Variants in CAMKMT observed in about 807,000 individuals in gnomAD.
CAMKMT encodes calmodulin-lysine N-methyltransferase.
Under a neutral mutation model 48.0 loss-of-function variants are expected in CAMKMT, and 53 were observed. The ratio of observed to expected loss-of-function variants is 1.10; its 90% CI spans 0.89 to 1.39. The LOEUF (loss-of-function observed/expected upper bound fraction) is 1.39. Ranked by LOEUF, CAMKMT falls within the 40% of genes most tolerant of loss-of-function variation. The probability of loss-of-function intolerance (pLI) is 0.00; values close to 1 mark genes in which losing one functional copy is unlikely to be tolerated. For synonymous variants in CAMKMT, 165 were observed against 152.3 expected (o/e 1.08, Z -0.61); for missense variants, 428 against 402.7 (o/e 1.06, Z -0.54).
At chr2:44,753,405 CAAA>C (rs201960068) in intron 8 of CAMKMT, among the ~76,000 whole-genome samples, 1 of 65,720 alleles carries the variant, frequency 1.5e-5, no homozygotes, top group Admixed American at 1.4e-4. Flanking sequence ...GTCTCAGAAA[CAAA>C]AAAAAAAAAA....
intron 3 of CAMKMT, among the ~76,000 whole-genome samples, chr2:44,613,841 T>C (rs1180751069): frequency 1.3e-5 from 2 of 152,318 alleles, no homozygotes; most frequent in African/African-American, 2.4e-5. Context: ...TTGTCACTAG[T>C]CATGTGATCC....
chr2:44,422,669 A>G, intron 3 of CAMKMT, among the ~76,000 whole-genome samples: 1 of 151,760 alleles, frequency 6.6e-6, no homozygotes, highest in East Asian at 1.9e-4. Context: ...ATCCAAATAT[A>G]TTGGTCATTA....
intron 3 of CAMKMT, among the ~76,000 whole-genome samples, chr2:44,493,462 G>A (rs1669611094): frequency 6.6e-6 from 1 of 152,118 alleles, no homozygotes; most frequent in African/African-American, 2.4e-5. Flanking sequence ...CAACCCCAGA[G>A]GATGTACTGT....
At chr2:44,513,877 G>A (rs557978959) in intron 3 of CAMKMT, among the ~76,000 whole-genome samples, 21 of 152,200 alleles carry the variant, frequency 1.4e-4, no homozygotes, top group African/African-American at 4.8e-4. Context: ...GAGGTGGGCA[G>A]ATCGCTTGAG....
At chr2:44,496,023 C>G (rs998655183) in intron 3 of CAMKMT, among the ~76,000 whole-genome samples, 1 of 152,070 alleles carries the variant, frequency 6.6e-6, no homozygotes, top group East Asian at 1.9e-4. Flanking sequence ...GTTTTTTTCC[C>G]TCCTGCATTC....
chr2:44,511,299 T>C (rs1017669352), intron 3 of CAMKMT, among the ~76,000 whole-genome samples: 1 of 152,272 alleles, frequency 6.6e-6, no homozygotes, highest in African/African-American at 2.4e-5. Context: ...TCATTCCTTT[T>C]ATTTTTTAAG....
chr2:44,365,593 A>G (rs1038338761), intron 1 of CAMKMT, among the ~76,000 whole-genome samples: 24 of 152,270 alleles, frequency 1.6e-4, no homozygotes, highest in African/African-American at 5.8e-4. Flanking sequence ...TTTCCCCAAC[A>G]TCCAAATCAT....
intron 3 of CAMKMT, among the ~76,000 whole-genome samples, chr2:44,484,592 A>G (rs996234081): frequency 2.0e-4 from 31 of 151,972 alleles, no homozygotes; most frequent in African/African-American, 5.6e-4. Context: ...TATTTAGACT[A>G]TAAGTCTAAA....
intron 7 of CAMKMT, among the ~76,000 whole-genome samples, chr2:44,740,610 C>T (rs1214099622): frequency 2.0e-5 from 3 of 152,014 alleles, no homozygotes; most frequent in African/African-American, 7.3e-5. Flanking sequence ...ATTAAGAGTC[C>T]ACTTGAGGTT....
chr2:44,402,747 T>TTG (rs1420779940), intron 3 of CAMKMT, among the ~76,000 whole-genome samples: 4 of 148,284 alleles, frequency 2.7e-5, no homozygotes, highest in African/African-American at 4.9e-5. Flanking sequence ...GCTGTTTTTT[T>TTG]TTTTTTTTTT....
At chr2:44,686,680 G>A (rs936790309) in intron 3 of CAMKMT, among the ~76,000 whole-genome samples, 1 of 152,166 alleles carries the variant, frequency 6.6e-6, no homozygotes, top group African/African-American at 2.4e-5. Context: ...ACATTTATGG[G>A]AGCATTTTCT....
chr2:44,394,220 G>A (rs984991454), intron 3 of CAMKMT, among the ~76,000 whole-genome samples: 1 of 151,974 alleles, frequency 6.6e-6, no homozygotes, highest in African/African-American at 2.4e-5. Flanking sequence ...CCTGGCAAAT[G>A]TTGCAGCTTA....
At position 44,594,742 on chromosome 2, in the gene CAMKMT, A is replaced by G. The variant is rs1438165696; in HGVS notation, c.377-109541A>G. Among the ~76,000 whole-genome samples, 4 of 152,238 alleles carry G rather than the reference A, an allele frequency of 2.6e-5. No individual in the cohort carries two copies. In the South Asian group the frequency reaches 8.3e-4, roughly 31 times the overall value. ...AAACCTAGGCAATGCCATTCAGGAC[A>G]TAGGCATGGGCAAAGACTTTATGAC... On this transcript the variant is annotated intron_variant, in intron 3 of 10. Coordinates refer to ENST00000378494, the MANE Select transcript of CAMKMT (RefSeq NM_024766.5).
chr2:44,486,790 A>G (rs1170147808), intron 3 of CAMKMT, among the ~76,000 whole-genome samples: 1 of 152,204 alleles, frequency 6.6e-6, no homozygotes, highest in Non-Finnish European at 1.5e-5. Context: ...TGTACCCCCC[A>G]AGAAACCGTA....
chr2:44,709,328 G>A (rs1381124501), intron 6 of CAMKMT, among the ~76,000 whole-genome samples: 1 of 152,138 alleles, frequency 6.6e-6, no homozygotes, highest in Non-Finnish European at 1.5e-5. Context: ...AGTAGATAAA[G>A]TAGGTCTTTT....
At chr2:44,567,581 G>A (rs1668683220) in intron 3 of CAMKMT, among the ~76,000 whole-genome samples, 1 of 152,196 alleles carries the variant, frequency 6.6e-6, no homozygotes. Flanking sequence ...GGTCCCATTT[G>A]GAGGAAGCTC....
rs531941671 is a variant in CAMKMT at position 44,627,079 on chromosome 2, G to A, written c.377-77204G>A. Among the ~76,000 whole-genome samples the A allele has an allele frequency of 3.1e-3, 478 of 152,238 alleles. 1 individual carries two copies. Among genetic ancestry groups the A allele is most frequent in the African/African-American group, 0.011 (453 of 41,540 alleles). On this transcript the variant is annotated intron_variant, in intron 3 of 10. Transcript: ENST00000378494. ...TTTGTTGAGAAATTTTTTCATAAATGTATGTTAAATTTTGTGAAATTATTT... is the reference window on the plus strand; with the variant it reads ...TTTGTTGAGAAATTTTTTCATAAATATATGTTAAATTTTGTGAAATTATTT...
At chr2:44,733,459 G>A (rs1346633445) in intron 7 of CAMKMT, among the ~76,000 whole-genome samples, 1 of 152,110 alleles carries the variant, frequency 6.6e-6, no homozygotes, top group Non-Finnish European at 1.5e-5. Context: ...TACAGAAAGG[G>A]ACTGTAATCT....
intron 2 of CAMKMT, among the ~76,000 whole-genome samples, chr2:44,386,447 C>G (rs1680787527): frequency 6.6e-6 from 1 of 151,986 alleles, no homozygotes; most frequent in Non-Finnish European, 1.5e-5. Flanking sequence ...TTTTATTTAT[C>G]TTTTCAAAGA....
Sources: gnomAD v4.1 joint callset for allele counts (sites outside exome capture counted in the v4.1 genomes callset) on GRCh38, gnomAD v4.1.1 for gene constraint, MANE v1.5 for transcripts, NCBI Gene and HGNC (gene_info 2026-07-23, HGNC 2026-07-21) for gene names.